Variants in PADI4 observed in about 807,000 individuals in gnomAD.
PADI4 encodes the protein peptidyl arginine deiminase 4.
A neutral mutation model predicts 75.0 loss-of-function variants in PADI4; 62 were observed. The observed-to-expected ratio is 0.83, with a 90% CI of 0.67 to 1.02. The LOEUF (loss-of-function observed/expected upper bound fraction) is 1.02. Ranked by LOEUF, PADI4 falls within the 50% of genes least tolerant of loss-of-function variation. The pLI, the probability that PADI4 is intolerant of heterozygous loss-of-function variation, is 0.00. For synonymous variants in PADI4, 361 were observed against 348.1 expected (o/e 1.04, Z -0.41); for missense variants, 845 against 850.5 (o/e 0.99, Z 0.08).
intron 15 of PADI4, among the ~76,000 whole-genome samples, chr1:17,360,702 G>T (rs2074836509): frequency 6.7e-6 from 1 of 148,714 alleles, no homozygotes; most frequent in Non-Finnish European, 1.5e-5. Context: ...TGATGCAGGG[G>T]ATGGAGGGAT....
intron 1 of PADI4, among the ~76,000 whole-genome samples, chr1:17,310,648 T>A (rs1302643681): frequency 1.3e-5 from 2 of 151,820 alleles, no homozygotes; most frequent in African/African-American, 4.8e-5. Flanking sequence ...CAAAAACACC[T>A]AACCGAGGGT....
Position 17,336,179 on chromosome 1 carries a change from A to G in PADI4, c.361A>G (p.Ile121Val). ...TGVEISLCADITRTGKVKPTR... is the reference protein window; with the variant it reads ...TGVEISLCADVTRTGKVKPTR... ...TTCAGAAATCTCCTTGTGCGCAGACATCACCCGCACCGGCAAAGTGAAGCC... is the reference window on the plus strand; with the variant it reads ...TTCAGAAATCTCCTTGTGCGCAGACGTCACCCGCACCGGCAAAGTGAAGCC... The change falls in exon 4 of 16, where the codon ATC becomes GTC. Residue 121 changes from isoleucine to valine, a missense_variant. Transcript: ENST00000375448. The G allele has an allele frequency of 6.2e-7, 1 of 1,613,482 alleles. No individual in the cohort carries two copies. The highest frequency in any genetic ancestry group is 8.5e-7 in the Non-Finnish European group (1 of 1,179,376).
At chr1:17,308,408 T>C (rs962212747) in intron 1 of PADI4, 94 bp downstream of exon 1, 7 of 988,622 alleles carry the variant, frequency 7.1e-6, no homozygotes, top group Non-Finnish European at 1.1e-5. Context: ...TGGCCCAGGC[T>C]CTAGGCTCCA....
At position 17,354,577 on chromosome 1, in the gene PADI4, T is replaced by G; in HGVS notation, c.1200T>G (p.Gly400=). Residue 400 remains glycine (G), a synonymous_variant, in exon 11 of 16, where the codon GGT becomes GGG. Coordinates refer to ENST00000375448, the MANE Select transcript of PADI4 (RefSeq NM_012387.3). Reference sequence around the variant, plus strand: ...TAACTCGAGGGCCCCAAACAGGGGGTATCAGTGGACTGGACTCCTTTGGGA... The same window carrying G: ...TAACTCGAGGGCCCCAAACAGGGGGGATCAGTGGACTGGACTCCTTTGGGA... The part of the protein sequence containing the change: ...GYVTRGPQTG[G]ISGLDSFGNL... 1 of 1,613,884 alleles carries G rather than the reference T, an allele frequency of 6.2e-7. No individual in the cohort carries two copies. Among genetic ancestry groups the G allele is most frequent in the Non-Finnish European group, 8.5e-7 (1 of 1,179,922 alleles).
At chr1:17,349,225 A>G (rs974979113) in intron 10 of PADI4, among the ~76,000 whole-genome samples, 2 of 152,212 alleles carry the variant, frequency 1.3e-5, no homozygotes, top group Non-Finnish European at 2.9e-5. Context: ...TGCCTGGTTC[A>G]GTGGCTGTGT....
intron 6 of PADI4, among the ~76,000 whole-genome samples, chr1:17,341,101 C>CTTTTT (rs34852999): frequency 8.3e-6 from 1 of 119,826 alleles, no homozygotes; most frequent in African/African-American, 3.1e-5. Context: ...GCCTCTGTTT[C>CTTTTT]TTTTTTTTTT....
In PADI4 at chr1:17,345,683, C is replaced by T. The variant is rs113317781; in HGVS notation, c.936-345C>T. Among the ~76,000 whole-genome samples the T allele has an allele frequency of 3.9e-3, 589 of 152,274 alleles. 3 individuals are homozygous for T. Among genetic ancestry groups the T allele is most frequent in the African/African-American group, 0.013 (536 of 41,546 alleles). On this transcript the variant is annotated intron_variant, in intron 8 of 15. Transcript: ENST00000375448. ...CTTCTTCCTCATTTTCTCTTGCCAC[C>T]GCCATGTAAGAAGTGCCTTTTGCCT...
chr1:17,346,191 A>C lies in PADI4; in HGVS notation c.1047+52A>C. The stretch of plus-strand genomic sequence containing the variant: ...TGACTGTCCCTGAGGGCCAAGAGAC[A>C]CTTGGGGGACCCGGGCTCCTGGGGT... On this transcript the variant is annotated intron_variant, in intron 9 of 15. Coordinates refer to ENST00000375448, the MANE Select transcript of PADI4 (RefSeq NM_012387.3). This position sits in a 1 kb window ranked among gnomAD's most constrained non-coding sequence, Gnocchi z 4.3. 8.2e-7 allele frequency: 1 copy of C among 1,212,922 alleles called. No homozygotes were observed. The highest frequency in any genetic ancestry group is 1.2e-6 in the Non-Finnish European group (1 of 823,294). The allele number at this position is 1,212,922 out of a possible 1,614,324, so 75.1% of individuals were successfully genotyped here.
Position 17,331,165 on chromosome 1 carries a change from G to A in PADI4, c.273+16G>A. The A allele has an allele frequency of 6.2e-7, 1 of 1,604,212 alleles. No homozygotes were observed. Among genetic ancestry groups the A allele is most frequent in the Non-Finnish European group, 8.5e-7 (1 of 1,175,448 alleles). On this transcript the variant is annotated intron_variant, in intron 2 of 15. Transcript: ENST00000375448. ...CGACCAGAAGGTGAGTGTCATAGCT[G>A]TGGGGTGGCAGTGTGGATGGGCTTC...
chr1:17,338,078 T>G lies in PADI4; in HGVS notation c.449T>G (p.Leu150Arg). 9 of 1,613,824 alleles carry G rather than the reference T, an allele frequency of 5.6e-6. No individual in the cohort carries two copies. The highest frequency in any genetic ancestry group is 7.6e-6 in the Non-Finnish European group (9 of 1,179,764). The change falls in exon 5 of 16, where the codon CTG (leucine) becomes CGG (arginine). Residue 150 changes from leucine (L) to arginine (R), a missense_variant. Coordinates refer to ENST00000375448, the MANE Select transcript of PADI4 (RefSeq NM_012387.3). ...TWGPCGQGAILLVNCDRDNLE... is the reference protein window; with the variant it reads ...TWGPCGQGAIRLVNCDRDNLE... ...GGCCCTTGTGGACAGGGTGCCATCC[T>G]GCTGGTGAACTGTGACAGAGACAAT... is the stretch of plus-strand genomic sequence containing the variant.
At position 17,339,608 on chromosome 1, in the gene PADI4, C is replaced by T. The variant is rs1156447663; in HGVS notation, c.527-80C>T. On this transcript the variant is annotated intron_variant, in intron 5 of 15. Coordinates refer to ENST00000375448, the MANE Select transcript of PADI4 (RefSeq NM_012387.3). ...AGGGGAGCGGTGGGGTGTGAGGCTC[C>T]ACCAGGAGGTGAGGTGGCTATGGGA... 6 of 1,527,262 alleles carry T rather than the reference C, an allele frequency of 3.9e-6. No individual in the cohort carries two copies. The African/African-American group carries it at 4.1e-5, about 10-fold the overall frequency. 94.6% of individuals were successfully genotyped at this position (1,527,262 alleles called of 1,614,324 possible). A position where few individuals can be genotyped will look rare whatever the true frequency, so the allele number is the denominator to read the frequency against.
At chr1:17,351,609 CAAAAAAA>C (rs56047360) in intron 10 of PADI4, among the ~76,000 whole-genome samples, 8 of 98,024 alleles carry the variant, frequency 8.2e-5, no homozygotes, top group African/African-American at 1.3e-4. Flanking sequence ...GACCTGGTCT[CAAAAAAA>C]AAAAAAAAAA....
chr1:17,340,185 C>G (rs141344738), intron 6 of PADI4, among the ~76,000 whole-genome samples: 4 of 152,288 alleles, frequency 2.6e-5, no homozygotes, highest in Admixed American at 2.6e-4. Flanking sequence ...CAGTGACCCA[C>G]GAGCACCTGC....
At chr1:17,333,003 G>C (rs1314698157) in intron 2 of PADI4, among the ~76,000 whole-genome samples, 2 of 152,204 alleles carry the variant, frequency 1.3e-5, no homozygotes, top group African/African-American at 4.8e-5. Flanking sequence ...AAGGTAGATG[G>C]AACAGGAGGT....
At position 17,342,111 on chromosome 1, in the gene PADI4, C is replaced by T. The variant is rs41265997; in HGVS notation, c.821C>T (p.Thr274Met). ...ACCCTCACCATCTCCCTGCTGGACA[C>T]GTCCAACCTGGTAGGCCGAGAAGGC... Reference protein sequence around the residue: ...LITLTISLLDTSNLELPEAVV... With the variant: ...LITLTISLLDMSNLELPEAVV... The change falls in exon 7 of 16, where the codon ACG becomes ATG. Residue 274 changes from threonine to methionine, a missense_variant. By Grantham distance (81) the Thr-to-Met change is moderately conservative (BLOSUM62 -1). Coordinates refer to ENST00000375448, the MANE Select transcript of PADI4 (RefSeq NM_012387.3). The T allele has an allele frequency of 9.9e-6, 16 of 1,613,710 alleles. No homozygotes were observed. The highest frequency in any genetic ancestry group is 1.7e-4 in the Middle Eastern group (1 of 5,914).
At chr1:17,361,445 C>A (rs1470648289) in intron 15 of PADI4, among the ~76,000 whole-genome samples, 2 of 152,164 alleles carry the variant, frequency 1.3e-5, no homozygotes, top group Non-Finnish European at 2.9e-5. Flanking sequence ...AGACTCTCTC[C>A]CAGGAGCTGG....
In PADI4 at chr1:17,346,186, G is replaced by C. The variant is rs2074513088; in HGVS notation, c.1047+47G>C. ...CAGGGTGACTGTCCCTGAGGGCCAAGAGACACTTGGGGGACCCGGGCTCCT... is the reference window on the plus strand; with the variant it reads ...CAGGGTGACTGTCCCTGAGGGCCAACAGACACTTGGGGGACCCGGGCTCCT... On this transcript the variant is annotated intron_variant, in intron 9 of 15. Transcript: ENST00000375448. This position sits in a 1 kb window ranked among gnomAD's most constrained non-coding sequence, Gnocchi z 4.3. 7.7e-7 allele frequency: 1 copy of C among 1,300,568 alleles called. No individual in the cohort carries two copies. Among genetic ancestry groups the C allele is most frequent in the South Asian group, 1.2e-5 (1 of 83,854 alleles). 80.6% of individuals were successfully genotyped at this position (1,300,568 alleles called of 1,614,324 possible).
chr1:17,308,765 G>A (rs896313541), intron 1 of PADI4, among the ~76,000 whole-genome samples: 6 of 47,000 alleles, frequency 1.3e-4, no homozygotes, highest in East Asian at 9.5e-4. Flanking sequence ...TGGGGATGGC[G>A]AAACGGGGCT....
intron 1 of PADI4, among the ~76,000 whole-genome samples, chr1:17,321,038 G>A (rs912262627): frequency 6.6e-6 from 1 of 152,182 alleles, no homozygotes; most frequent in African/African-American, 2.4e-5. Context: ...GGGGACTAGG[G>A]TGTGGTCATC....
Sources: allele counts gnomAD v4.1 joint callset (sites outside exome capture counted in the v4.1 genomes callset), GRCh38; gene constraint gnomAD v4.1.1; non-coding constraint Gnocchi (gnomAD v3.1); transcripts MANE v1.5; gene names NCBI Gene and HGNC (gene_info 2026-07-23, HGNC 2026-07-21).